The following PTPRZ1 variants were observed in gnomAD, a reference collection of about 807,000 sequenced individuals.
The protein encoded by PTPRZ1 is receptor-type tyrosine-protein phosphatase zeta.
PTPRZ1 carries 82 observed loss-of-function variants against 214.1 expected under a neutral mutation model. The ratio of observed to expected loss-of-function variants is 0.38; its 90% CI spans 0.32 to 0.46. PTPRZ1 has a LOEUF of 0.46. Ranked by LOEUF, PTPRZ1 falls within the 20% of genes least tolerant of loss-of-function variation. The pLI, the probability that PTPRZ1 is intolerant of heterozygous loss-of-function variation, is 1.00. For missense variants in PTPRZ1, 2,603 were observed against 2,748.7 expected (o/e 0.95, Z 1.19); for synonymous variants, 945 against 987.9 (o/e 0.96, Z 0.81).
At chr7:121,884,986 A>G (rs1794356515) in intron 1 of PTPRZ1, among the ~76,000 whole-genome samples, 1 of 152,198 alleles carries the variant, frequency 6.6e-6, no homozygotes, top group African/African-American at 2.4e-5. Context: ...ACTACATTCA[A>G]GAAACATAAC....
At position 122,011,605 on chromosome 7, in the gene PTPRZ1, G is replaced by A. The variant is rs1007947579; in HGVS notation, c.2559G>A (p.Lys853=). The A allele has an allele frequency of 1.9e-6, 3 of 1,613,930 alleles. No homozygotes were observed. Among genetic ancestry groups the A allele is most frequent in the Admixed American group, 3.3e-5 (2 of 59,986 alleles). The change falls in exon 12 of 30, where the codon AAG becomes AAA. Residue 853 remains lysine (K), a synonymous_variant. Coordinates refer to ENST00000393386, the MANE Select transcript of PTPRZ1 (RefSeq NM_002851.3). ...PQVTSATESD[K]VPLHASLPVA... ...TTACTTCAGCTACCGAGAGTGATAA[G>A]GTGCCCTTGCATGCTTCTCTGCCAG...
At position 121,972,604 on chromosome 7, in the gene PTPRZ1, C is replaced by G; in HGVS notation, c.368C>G (p.Ala123Gly). ...GGAGTTTCAGAAATGGTGTTTAAAG[C>G]AAGCAAGATAACTTTTCACTGGGGA... ...SGGVSEMVFK[A>G]SKITFHWGKC... The change falls in exon 4 of 30, where the codon GCA becomes GGA. Residue 123 changes from alanine (A) to glycine (G), a missense_variant. Ala to Gly is a moderately conservative substitution (Grantham distance 60). Coordinates refer to ENST00000393386, the MANE Select transcript of PTPRZ1 (RefSeq NM_002851.3). The G allele has an allele frequency of 2.5e-6, 4 of 1,613,326 alleles. No individual in the cohort carries two copies. The highest frequency in any genetic ancestry group is 3.4e-6 in the Non-Finnish European group (4 of 1,179,594).
chr7:122,044,251 C>T (rs1181483813), intron 22 of PTPRZ1, among the ~76,000 whole-genome samples, 171 bp from the exon 23 acceptor site: 1 of 152,132 alleles, frequency 6.6e-6, no homozygotes, highest in Non-Finnish European at 1.5e-5. Flanking sequence ...CTTCTGTGAC[C>T]ACTTCCTTTC....
At chr7:121,916,027 G>A (rs1795414229) in intron 1 of PTPRZ1, among the ~76,000 whole-genome samples, 1 of 152,072 alleles carries the variant, frequency 6.6e-6, no homozygotes, top group Non-Finnish European at 1.5e-5. Context: ...TGTAATCCCA[G>A]CACTTTGGGA....
intron 3 of PTPRZ1, among the ~76,000 whole-genome samples, chr7:121,970,046 G>A (rs1023974520): frequency 1.4e-5 from 2 of 147,356 alleles, no homozygotes; most frequent in Non-Finnish European, 3.0e-5. Context: ...GTGAGAACAT[G>A]CGGTGTTTGG....
intron 12 of PTPRZ1, among the ~76,000 whole-genome samples, chr7:122,017,538 C>CATTACATTT (rs147423889): frequency 5.7e-5 from 8 of 140,160 alleles, no homozygotes; most frequent in Non-Finnish European, 1.1e-4. Context: ...TGATACATTA[C>CATTACATTT]ATTTATTTAT....
At chr7:121,997,385 T>C (rs1315044492) in intron 9 of PTPRZ1, among the ~76,000 whole-genome samples, 1 of 152,198 alleles carries the variant, frequency 6.6e-6, no homozygotes, top group African/African-American at 2.4e-5. Context: ...TTGCCTGGAA[T>C]ATGGAGACAC....
intron 18 of PTPRZ1, among the ~76,000 whole-genome samples, chr7:122,038,262 G>T (rs1456826540): frequency 1.3e-5 from 2 of 152,104 alleles, no homozygotes; most frequent in Non-Finnish European, 2.9e-5. Context: ...TGTACAAAAT[G>T]GGACACAGTG....
intron 2 of PTPRZ1, among the ~76,000 whole-genome samples, chr7:121,966,744 C>T (rs762796367): frequency 2.0e-5 from 3 of 152,102 alleles, no homozygotes; most frequent in Non-Finnish European, 2.9e-5. Context: ...ATGTTATTTT[C>T]ATCACATTGT....
intron 25 of PTPRZ1, among the ~76,000 whole-genome samples, chr7:122,052,693 T>C (rs940155237): frequency 2.6e-4 from 39 of 152,166 alleles, no homozygotes; most frequent in African/African-American, 9.2e-4. Flanking sequence ...TTAGTAACAG[T>C]ATAAATATCA....
At position 122,049,078 on chromosome 7, in the gene PTPRZ1, A is replaced by C. The variant is rs117077710; in HGVS notation, c.6085-2350A>C. Among the ~76,000 whole-genome samples the C allele has an allele frequency of 2.1e-3, 325 of 152,264 alleles. 8 individuals are homozygous for C. The East Asian group carries it at 0.056, about 26-fold the overall frequency. On this transcript the variant is annotated intron_variant, in intron 23 of 29. Transcript: ENST00000393386. Reference sequence around the variant, plus strand: ...CACTGGAAAATATGAATAGATTTACATAAAGAAACATTATGACCCTGTCAA... The same window carrying C: ...CACTGGAAAATATGAATAGATTTACCTAAAGAAACATTATGACCCTGTCAA...
chr7:121,971,301 GA>G (rs1015372533), intron 3 of PTPRZ1, among the ~76,000 whole-genome samples: 2 of 152,098 alleles, frequency 1.3e-5, no homozygotes, highest in Admixed American at 1.3e-4. Flanking sequence ...TATAACCAGA[GA>G]AAAATGGGAA....
chr7:121,964,228 G>T (rs1584688762), intron 2 of PTPRZ1, among the ~76,000 whole-genome samples: 1 of 152,132 alleles, frequency 6.6e-6, no homozygotes, highest in Admixed American at 6.6e-5. Context: ...TTCTCATGCT[G>T]CTATAAGGAC....
At chr7:121,874,039 G>GACACACACACACACACACACACACACAC (rs10640393) in intron 1 of PTPRZ1, among the ~76,000 whole-genome samples, 10 of 147,818 alleles carry the variant, frequency 6.8e-5, no homozygotes, top group African/African-American at 2.3e-4. Context: ...GTGAATTGCA[G>GACACACACACACACACACACACACACAC]ACACACACAC....
intron 27 of PTPRZ1, among the ~76,000 whole-genome samples, chr7:122,058,461 G>A (rs1792448449): frequency 6.6e-6 from 1 of 152,004 alleles, no homozygotes; most frequent in African/African-American, 2.4e-5. Context: ...TAACACCAAT[G>A]ATTTCCTTTT....
intron 15 of PTPRZ1, 67 bp downstream of exon 15, chr7:122,031,626 G>A (rs1053794078): frequency 2.6e-6 from 3 of 1,176,144 alleles, no homozygotes; most frequent in South Asian, 1.5e-5. Flanking sequence ...TTCAGCAATA[G>A]GCTATTTCTT....
At chr7:121,970,703 C>A (rs1279954656) in intron 3 of PTPRZ1, among the ~76,000 whole-genome samples, 1 of 152,068 alleles carries the variant, frequency 6.6e-6, no homozygotes, top group African/African-American at 2.4e-5. Context: ...TGGATATTAG[C>A]CCTTTGTCAG....
At chr7:122,046,224 T>A (rs1791973629) in intron 23 of PTPRZ1, among the ~76,000 whole-genome samples, 1 of 152,044 alleles carries the variant, frequency 6.6e-6, no homozygotes, top group Non-Finnish European at 1.5e-5. Context: ...GAGACCAGCT[T>A]GGGCAACAGA....
chr7:121,970,071 G>T (rs868010114), intron 3 of PTPRZ1, among the ~76,000 whole-genome samples: 1 of 150,922 alleles, frequency 6.6e-6, no homozygotes, highest in African/African-American at 2.4e-5. Context: ...TTGTCCTTGC[G>T]ATAGTTTGCT....
Sources: allele counts gnomAD v4.1 joint callset (sites outside exome capture counted in the v4.1 genomes callset), GRCh38; gene constraint gnomAD v4.1.1; transcripts MANE v1.5; gene names NCBI Gene and HGNC (gene_info 2026-07-23, HGNC 2026-07-21).